Variants in PHOX2B observed in about 807,000 individuals in gnomAD.
PHOX2B encodes paired like homeobox 2B, also known as paired mesoderm homeobox protein 2B.
PHOX2B carries 1 observed loss-of-function variant against 15.5 expected under a neutral mutation model. The ratio of observed to expected loss-of-function variants is 0.06; its 90% CI spans 0.02 to 0.31. PHOX2B has a LOEUF of 0.31. Ranked by LOEUF, PHOX2B falls within the 10% of genes least tolerant of loss-of-function variation. The probability of loss-of-function intolerance (pLI) is 1.00; values close to 1 mark genes in which losing one functional copy is unlikely to be tolerated. For missense variants in PHOX2B, 314 were observed against 436.4 expected, an observed-to-expected ratio of 0.72 and a Z score of 2.50; for synonymous variants, 206 against 190.5, an observed-to-expected ratio of 1.08 and a Z score of -0.67.
In PHOX2B at chr4:41,746,201, C is replaced by T; in HGVS notation, c.551G>A (p.Ser184Asn). Reference sequence around the variant, plus strand: ...CGGGTCAGTGCTCTTGGCCTCTTTGCTCTCGTCGTCCCTGGAAGAGTCAGA... The same window carrying T: ...CGGGTCAGTGCTCTTGGCCTCTTTGTTCTCGTCGTCCCTGGAAGAGTCAGA... ...KKSDSSRDDE[S>N]KEAKSTDPDS... Residue 184 changes from serine (S) to asparagine (N), a missense_variant, in exon 3 of 3, where the codon AGC (serine) becomes AAC (asparagine). Physicochemically the swap from Ser to Asn is conservative, Grantham distance 46 (BLOSUM62 1). Around this residue, in one of 7 missense-constraint regions of PHOX2B, gnomAD observed 31 missense variants for 29.6 expected, o/e 1.05. Coordinates refer to ENST00000226382, the MANE Select transcript of PHOX2B (RefSeq NM_003924.4). 1 of 1,613,846 alleles carries T rather than the reference C, an allele frequency of 6.2e-7. No individual in the cohort carries two copies. Among genetic ancestry groups the T allele is most frequent in the Non-Finnish European group, 8.5e-7 (1 of 1,179,906 alleles).
At position 41,745,692 on chromosome 4, in the gene PHOX2B, A is replaced by T; in HGVS notation, c.*115T>A. 1 of 1,363,654 alleles carries T rather than the reference A, an allele frequency of 7.3e-7. No homozygotes were observed. The highest frequency in any genetic ancestry group is 9.8e-7 in the Non-Finnish European group (1 of 1,017,516). The allele number at this position is 1,363,654 out of a possible 1,614,324, so 84.5% of individuals were successfully genotyped here. The stretch of plus-strand genomic sequence containing the variant: ...GCGATTACTTTAGGCCCTCAATGAA[A>T]AAGCCATGGCAGCAGCGACGACAAT... On this transcript the variant is annotated 3_prime_UTR_variant, in exon 3 of 3. Coordinates refer to ENST00000226382, the MANE Select transcript of PHOX2B (RefSeq NM_003924.4). This position sits in a 1 kb window ranked among gnomAD's most constrained non-coding sequence, Gnocchi z 4.0.
rs763380864 is a variant in PHOX2B, at chr4:41,745,774, T to TCGCCGCCGC, written c.*24_*32dup. ...CGCCCGGGCCCTGGCTCGCCCGCTGTCGCCGCCGCCGCCGCCGCCGCAGGA... is the reference window on the plus strand; with the variant it reads ...CGCCCGGGCCCTGGCTCGCCCGCTGTCGCCGCCGCCGCCGCCGCCGCCGCCGCCGCAGGA... On this transcript the variant is annotated 3_prime_UTR_variant, in exon 3 of 3. Coordinates refer to ENST00000226382, the MANE Select transcript of PHOX2B (RefSeq NM_003924.4). This position sits in a 1 kb window ranked among gnomAD's most constrained non-coding sequence, Gnocchi z 4.0. 7 of 1,585,018 alleles carry TCGCCGCCGC rather than the reference T, an allele frequency of 4.4e-6. No homozygotes were observed. The Admixed American group carries it at 7.1e-5, about 16-fold the overall frequency.
Position 41,747,445 on chromosome 4 carries a change from T to C in PHOX2B, c.333A>G (p.Lys111=). 1 of 1,610,620 alleles carries C rather than the reference T, an allele frequency of 6.2e-7. No homozygotes were observed. Residue 111 remains lysine (K), a synonymous_variant, in exon 2 of 3, where the codon AAA becomes AAG. Transcript: ENST00000226382. ...TCTCCGCGAAGACCCTTTCCAGCTC[T>C]TTGAGCTGGGCACTGGTGAAAGTGG... ...IRTTFTSAQL[K]ELERVFAETH...
At chr4:41,747,085 G>A (rs562968254) in intron 2 of PHOX2B, among the ~76,000 whole-genome samples, 38 of 152,310 alleles carry the variant, frequency 2.5e-4, no homozygotes, top group African/African-American at 8.9e-4. Flanking sequence ...CCCCGAAATT[G>A]CATCGCTCAT....
At position 41,745,596 on chromosome 4, in the gene PHOX2B, T is replaced by G; in HGVS notation, c.*211A>C. On this transcript the variant is annotated 3_prime_UTR_variant, in exon 3 of 3. Coordinates refer to ENST00000226382, the MANE Select transcript of PHOX2B (RefSeq NM_003924.4). The surrounding 1 kb of genome is among the most constrained non-coding windows in gnomAD (Gnocchi z 4.0). ...AAGCCAGGGAAGTTTGTTTGTTTTGTTTGGGGGTTGAGGAAGGGGGTAGGA... is the reference window on the plus strand; with the variant it reads ...AAGCCAGGGAAGTTTGTTTGTTTTGGTTGGGGGTTGAGGAAGGGGGTAGGA... The G allele has an allele frequency of 3.6e-6, 2 of 554,658 alleles. No homozygotes were observed. The highest frequency in any genetic ancestry group is 6.0e-6 in the Non-Finnish European group (2 of 331,496). 34.4% of individuals were successfully genotyped at this position (554,658 alleles called of 1,614,324 possible).
intron 1 of PHOX2B, among the ~76,000 whole-genome samples, chr4:41,747,954 AG>A (rs35920635): frequency 1.7e-5 from 2 of 117,004 alleles, no homozygotes; most frequent in Non-Finnish European, 3.7e-5. Context: ...GTTGGGGGAA[AG>A]AGCTGCAAAA....
intron 2 of PHOX2B, among the ~76,000 whole-genome samples, chr4:41,746,916 T>C (rs916440310): frequency 6.6e-6 from 1 of 151,546 alleles, no homozygotes. Context: ...GCAAATCTGA[T>C]GCAAGTCACA....
At position 41,745,579 on chromosome 4, in the gene PHOX2B, G is replaced by C; in HGVS notation, c.*228C>G. ...GGCCCCAGGCAGGTGCGAAGCCAGG[G>C]AAGTTTGTTTGTTTTGTTTGGGGGT... On this transcript the variant is annotated 3_prime_UTR_variant, in exon 3 of 3. Coordinates refer to ENST00000226382, the MANE Select transcript of PHOX2B (RefSeq NM_003924.4). The surrounding 1 kb of genome is among the most constrained non-coding windows in gnomAD (Gnocchi z 4.0). 1 of 524,814 alleles carries C rather than the reference G, an allele frequency of 1.9e-6. No homozygotes were observed. Among genetic ancestry groups the C allele is most frequent in the East Asian group, 3.7e-5 (1 of 26,918 alleles). 32.5% of individuals were successfully genotyped at this position (524,814 alleles called of 1,614,324 possible). A position where few individuals can be genotyped will look rare whatever the true frequency, so the allele number is the denominator to read the frequency against.
Position 41,746,092 on chromosome 4 carries a change from C to G in PHOX2B, c.660G>C (p.Pro220=), listed in dbSNP as rs1435630597. 4 of 1,537,652 alleles carry G rather than the reference C, an allele frequency of 2.6e-6. No homozygotes were observed. The South Asian group carries it at 3.6e-5, about 14-fold the overall frequency. The change falls in exon 3 of 3, where the codon CCG becomes CCC. Residue 220 remains proline (P), a synonymous_variant. Transcript: ENST00000226382. ...ANGGGGGGPS[P]AGAPGAAGPG... ...GCCCCGCCGCCCCCGGAGCTCCAGC[C>G]GGGCTGGGCCCGCCGCCGCCGCCTC...
rs1486629336 is a variant in PHOX2B, at chr4:41,748,473, C to A, written c.138G>T (p.Pro46=). Residue 46 remains proline, a synonymous_variant, in exon 1 of 3, where the codon CCG becomes CCT. Coordinates refer to ENST00000226382, the MANE Select transcript of PHOX2B (RefSeq NM_003924.4). Reference sequence around the variant, plus strand: ...ACGTGGCCCCAAAAGTGGTCCTTATCGGGTTATACTGGAAGCCACTGGCCT... The same window carrying A: ...ACGTGGCCCCAAAAGTGGTCCTTATAGGGTTATACTGGAAGCCACTGGCCT... ...CSQASGFQYN[P]IRTTFGATSG... The A allele has an allele frequency of 2.5e-6, 4 of 1,614,124 alleles. No homozygotes were observed. Among genetic ancestry groups the A allele is most frequent in the Non-Finnish European group, 2.5e-6 (3 of 1,180,018 alleles).
At position 41,745,820 on chromosome 4, in the gene PHOX2B, C is replaced by T. The variant is rs762234006; in HGVS notation, c.932G>A (p.Ser311Asn). 3.0e-5 allele frequency: 48 copies of T among 1,608,084 alleles called. 1 individual carries two copies. The South Asian group carries it at 5.1e-4, about 17-fold the overall frequency. The change falls in exon 3 of 3, where the codon AGC (serine) becomes AAC (asparagine). Residue 311 changes from serine (S) to asparagine (N), a missense_variant. By Grantham distance (46) the Ser-to-Asn change is conservative. Coordinates refer to ENST00000226382, the MANE Select transcript of PHOX2B (RefSeq NM_003924.4). The surrounding 1 kb of genome is among the most constrained non-coding windows in gnomAD (Gnocchi z 4.0). ...PNGAKAALVK[S>N]SMF ...CAGGATTCCAGATCAGAACATACTG[C>T]TCTTCACTAAGGCGGCTTTGGCACC... is the stretch of plus-strand genomic sequence containing the variant.
At chr4:41,747,726 A>T in intron 1 of PHOX2B, 190 bp from the exon 2 acceptor site, 1 of 702,574 alleles carries the variant, frequency 1.4e-6, no homozygotes, top group South Asian at 1.5e-5. Flanking sequence ...CTGGGCTCAA[A>T]CTTCGGGCTT....
chr4:41,745,742 A>C lies in PHOX2B; in HGVS notation c.*65T>G. The C allele has an allele frequency of 6.4e-7, 1 of 1,552,080 alleles. No homozygotes were observed. The stretch of plus-strand genomic sequence containing the variant: ...TAGCCTTGGGCCTACCCGCTCGCCC[A>C]CTCGCCCGCCCGGGCCCTGGCTCGC... On this transcript the variant is annotated 3_prime_UTR_variant, in exon 3 of 3. Coordinates refer to ENST00000226382, the MANE Select transcript of PHOX2B (RefSeq NM_003924.4). The surrounding 1 kb of genome is among the most constrained non-coding windows in gnomAD (Gnocchi z 4.0).
In PHOX2B at chr4:41,744,818, G is replaced by T; in HGVS notation, c.*989C>A. 4.3e-6 allele frequency: 1 copy of T among 233,802 alleles called. No homozygotes were observed. Among genetic ancestry groups the T allele is most frequent in the East Asian group, 6.0e-5 (1 of 16,596 alleles). The allele number at this position is 233,802 out of a possible 1,614,324, so 14.5% of individuals were successfully genotyped here. A position where few individuals can be genotyped will look rare whatever the true frequency, so the allele number is the denominator to read the frequency against. On this transcript the variant is annotated 3_prime_UTR_variant, in exon 3 of 3. Coordinates refer to ENST00000226382, the MANE Select transcript of PHOX2B (RefSeq NM_003924.4). ...GTAAAAGCTGGTGGAAGAAGAAAAT[G>T]CCGACGGGGTAGGCGGGAGCGAGGG...
Position 41,745,680 on chromosome 4 carries a change from G to T in PHOX2B, c.*127C>A. ...TTTATTCTTAGCGCGATTACTTTAGGCCCTCAATGAAAAAGCCATGGCAGC... is the reference window on the plus strand; with the variant it reads ...TTTATTCTTAGCGCGATTACTTTAGTCCCTCAATGAAAAAGCCATGGCAGC... On this transcript the variant is annotated 3_prime_UTR_variant, in exon 3 of 3. Coordinates refer to ENST00000226382, the MANE Select transcript of PHOX2B (RefSeq NM_003924.4). This position sits in a 1 kb window ranked among gnomAD's most constrained non-coding sequence, Gnocchi z 4.0. 1 of 1,191,518 alleles carries T rather than the reference G, an allele frequency of 8.4e-7. No homozygotes were observed. The highest frequency in any genetic ancestry group is 1.2e-6 in the Non-Finnish European group (1 of 866,024). 73.8% of individuals were successfully genotyped at this position (1,191,518 alleles called of 1,614,324 possible). A position where few individuals can be genotyped will look rare whatever the true frequency, so the allele number is the denominator to read the frequency against.
Position 41,744,932 on chromosome 4 carries a change from A to G in PHOX2B, c.*875T>C, listed in dbSNP as rs919329114. 4.3e-6 allele frequency: 1 copy of G among 233,256 alleles called. No individual in the cohort carries two copies. Among genetic ancestry groups the G allele is most frequent in the Non-Finnish European group, 8.5e-6 (1 of 118,076 alleles). 14.4% of individuals were successfully genotyped at this position (233,256 alleles called of 1,614,324 possible). On this transcript the variant is annotated 3_prime_UTR_variant, in exon 3 of 3. Transcript: ENST00000226382. Reference sequence around the variant, plus strand: ...ATGGATAGGGCATCTTTCAGGGCCGAACGGCTGCAAAGATTCGGGGTTGGG... The same window carrying G: ...ATGGATAGGGCATCTTTCAGGGCCGGACGGCTGCAAAGATTCGGGGTTGGG...
intron 1 of PHOX2B, chr4:41,747,796 A>G (rs1016077533): frequency 1.5e-6 from 1 of 664,754 alleles, no homozygotes; most frequent in African/African-American, 1.8e-5. Context: ...GATGTGACGG[A>G]CTTGAGATAG....
At chr4:41,746,955 T>C (rs967005815) in intron 2 of PHOX2B, among the ~76,000 whole-genome samples, 7 of 147,316 alleles carry the variant, frequency 4.8e-5, no homozygotes, top group African/African-American at 1.8e-4. Context: ...CTATATGCCA[T>C]GGGGCCAGGT....
intron 2 of PHOX2B, among the ~76,000 whole-genome samples, 165 bp downstream of exon 2, chr4:41,747,184 C>T (rs1264101655): frequency 1.3e-5 from 2 of 152,162 alleles, no homozygotes; most frequent in Non-Finnish European, 2.9e-5. Context: ...CTCTAAGCCT[C>T]TCTCGAACGC....
Sources: allele counts gnomAD v4.1 joint callset (sites outside exome capture counted in the v4.1 genomes callset), GRCh38; gene constraint gnomAD v4.1.1; regional missense constraint gnomAD v4.1.1; non-coding constraint Gnocchi (gnomAD v3.1); transcripts MANE v1.5; gene names NCBI Gene and HGNC (gene_info 2026-07-23, HGNC 2026-07-21).